The following DNAJC13 variants were observed in gnomAD, a reference collection of about 807,000 sequenced individuals.
DNAJC13 encodes DnaJ heat shock protein family (Hsp40) member C13.
In DNAJC13, 75 loss-of-function variants were observed where a neutral mutation model predicts 290.5. That is an observed-to-expected ratio of 0.26 (90% CI 0.21 to 0.31). DNAJC13 has a LOEUF of 0.31. Among genes scored for constraint, DNAJC13 ranks in the 10% least tolerant of loss-of-function variants. The probability of loss-of-function intolerance (pLI) is 1.00; values close to 1 mark genes in which losing one functional copy is unlikely to be tolerated. For synonymous variants in DNAJC13, 862 were observed against 892.0 expected (o/e 0.97, Z 0.60); for missense variants, 2,260 against 2,674.5 (o/e 0.85, Z 3.42).
chr3:132,490,785 G>T, intron 31 of DNAJC13, 112 bp from the exon 32 acceptor site: 1 of 1,113,794 alleles, frequency 9.0e-7, no homozygotes, highest in Non-Finnish European at 1.2e-6. Flanking sequence ...AAAGCAATTT[G>T]TTCCAATTGT....
intron 2 of DNAJC13, among the ~76,000 whole-genome samples, chr3:132,436,844 C>T (rs1013509370): frequency 2.7e-5 from 4 of 150,250 alleles, no homozygotes; most frequent in African/African-American, 9.8e-5. Flanking sequence ...CTATTGAAAT[C>T]ATTTATTCAC....
intron 1 of DNAJC13, 61 bp from the exon 2 acceptor site, chr3:132,434,477 A>C: frequency 8.2e-7 from 1 of 1,214,356 alleles, no homozygotes; most frequent in Non-Finnish European, 1.2e-6. Context: ...TCTTAGGGGA[A>C]TCTTGGAAAG....
intron 5 of DNAJC13, among the ~76,000 whole-genome samples, chr3:132,448,865 G>A (rs550772662): frequency 1.1e-3 from 168 of 152,208 alleles, no homozygotes; most frequent in South Asian, 5.8e-3. Context: ...TGTTCCTGAT[G>A]AGCCATGGTC....
chr3:132,487,350 G>A (rs975650783), intron 29 of DNAJC13, among the ~76,000 whole-genome samples: 51 of 151,820 alleles, frequency 3.4e-4, no homozygotes, highest in African/African-American at 1.1e-3. Flanking sequence ...TCCGCCTCCC[G>A]GGTTTAAGCA....
At chr3:132,487,796 A>ACATCTTTT (rs1934930730) in intron 29 of DNAJC13, among the ~76,000 whole-genome samples, 1 of 152,062 alleles carries the variant, frequency 6.6e-6, no homozygotes, top group Non-Finnish European at 1.5e-5. Context: ...TCTAGAGGCC[A>ACATCTTTT]CATCTTTTGG....
intron 6 of DNAJC13, among the ~76,000 whole-genome samples, chr3:132,453,082 G>A (rs1279157772): frequency 6.6e-6 from 1 of 152,118 alleles, no homozygotes; most frequent in Admixed American, 6.5e-5. Context: ...TGAGATAATT[G>A]CCGTTCAGTG....
intron 9 of DNAJC13, 109 bp from the exon 10 acceptor site, chr3:132,456,126 A>G: frequency 2.2e-6 from 2 of 903,514 alleles, no homozygotes; most frequent in East Asian, 5.0e-5. Flanking sequence ...TTGTAACTGT[A>G]GTGTGTCCCT....
intron 16 of DNAJC13, 60 bp from the exon 17 acceptor site, chr3:132,463,636 A>G (rs1468036077): frequency 1.3e-6 from 2 of 1,520,202 alleles, no homozygotes; most frequent in African/African-American, 1.4e-5. Flanking sequence ...TAGTTTTTTA[A>G]AGTTTGGATA....
At chr3:132,423,223 G>A (rs781293882) in intron 1 of DNAJC13, among the ~76,000 whole-genome samples, 7 of 152,124 alleles carry the variant, frequency 4.6e-5, no homozygotes, top group South Asian at 2.1e-4. Flanking sequence ...AGATTACAGT[G>A]AGCTATGATT....
chr3:132,523,237 G>T, intron 50 of DNAJC13, 38 bp downstream of exon 50: 1 of 1,608,490 alleles, frequency 6.2e-7, no homozygotes, highest in South Asian at 1.1e-5. Flanking sequence ...ATTTTCTGTT[G>T]ATTTAGTTGT....
chr3:132,526,313 A>G, intron 53 of DNAJC13, 32 bp downstream of exon 53: 1 of 1,611,538 alleles, frequency 6.2e-7, no homozygotes, highest in African/African-American at 1.3e-5. Context: ...GCACTATTTT[A>G]GGAAAGCAAA....
chr3:132,472,352 CAG>C (rs1394211754), intron 20 of DNAJC13, among the ~76,000 whole-genome samples: 1 of 152,188 alleles, frequency 6.6e-6, no homozygotes, highest in Admixed American at 6.5e-5. Flanking sequence ...ATCTCTGAAA[CAG>C]GGGCCATAGC....
At position 132,467,191 on chromosome 3, in the gene DNAJC13, A is replaced by G. The variant is rs1934024751; in HGVS notation, c.2086A>G (p.Lys696Glu). 1 of 1,611,920 alleles carries G rather than the reference A, an allele frequency of 6.2e-7. No homozygotes were observed. Among genetic ancestry groups the G allele is most frequent in the Non-Finnish European group, 8.5e-7 (1 of 1,179,394 alleles). ...IAMDQYGKFNKVPEWQRLAGK... is the reference protein window; with the variant it reads ...IAMDQYGKFNEVPEWQRLAGK... ...ACAGGATCAGTATGGAAAATTTAAT[A>G]AAGTTCCAGAGTGGCAAAGACTAGC... The change falls in exon 20 of 56, where the codon AAA (lysine) becomes GAA (glutamate). Residue 696 changes from lysine (K) to glutamate (E), a missense_variant. Around this residue, in one of 3 missense-constraint regions of DNAJC13, gnomAD observed 762 missense variants for 964.1 expected, o/e 0.79. Transcript: ENST00000260818.
chr3:132,514,492 G>A, intron 45 of DNAJC13, 79 bp from the exon 46 acceptor site: 1 of 925,778 alleles, frequency 1.1e-6, no homozygotes. Context: ...TGTCTCACTT[G>A]TACAGTCTAT....
Position 132,474,975 on chromosome 3 carries a change from A to G in DNAJC13, c.2335A>G (p.Lys779Glu). ...CAGGTCAAACCTTATTTGGAATTTC[A>G]AAACACGAGAAGAACTGAAAGATAC... ...HARSNLIWNF[K>E]TREELKDTLE... The change falls in exon 22 of 56, where the codon AAA becomes GAA. Residue 779 changes from lysine (K) to glutamate (E), a missense_variant. By Grantham distance (56) the Lys-to-Glu change is moderately conservative. This residue lies in a region of DNAJC13 where 762 missense variants were observed against 964.1 expected (regional missense o/e 0.79). Coordinates refer to ENST00000260818, the MANE Select transcript of DNAJC13 (RefSeq NM_015268.4). 1 of 1,611,838 alleles carries G rather than the reference A, an allele frequency of 6.2e-7. No individual in the cohort carries two copies. The highest frequency in any genetic ancestry group is 8.5e-7 in the Non-Finnish European group (1 of 1,178,982).
intron 29 of DNAJC13, 58 bp from the exon 30 acceptor site, chr3:132,488,240 C>A (rs1934946900): frequency 6.7e-7 from 1 of 1,481,998 alleles, no homozygotes; most frequent in South Asian, 1.4e-5. Context: ...AATAAAAAAC[C>A]TAAAGTGATG....
At chr3:132,466,778 C>T (rs1431435441) in intron 19 of DNAJC13, among the ~76,000 whole-genome samples, 1 of 151,952 alleles carries the variant, frequency 6.6e-6, no homozygotes, top group African/African-American at 2.4e-5. Flanking sequence ...AACGGCCAAC[C>T]ATGAAAAAAG....
intron 20 of DNAJC13, among the ~76,000 whole-genome samples, chr3:132,471,293 G>T (rs1309585036): frequency 2.2e-5 from 3 of 136,900 alleles, no homozygotes; most frequent in Admixed American, 1.4e-4. Context: ...GGTCGGGGGG[G>T]CTGACCCCCC....
At chr3:132,475,944 A>G (rs553350645) in intron 22 of DNAJC13, among the ~76,000 whole-genome samples, 2 of 151,562 alleles carry the variant, frequency 1.3e-5, no homozygotes, top group East Asian at 3.9e-4. Flanking sequence ...TTTATTTTTT[A>G]TTTTTCTGAG....
Sources: gnomAD v4.1 joint callset for allele counts (sites outside exome capture counted in the v4.1 genomes callset) on GRCh38, gnomAD v4.1.1 for gene constraint, gnomAD v4.1.1 regional missense constraint, MANE v1.5 for transcripts, NCBI Gene and HGNC (gene_info 2026-07-23, HGNC 2026-07-21) for gene names.